The following NEB variants were observed in gnomAD, a reference collection of about 807,000 sequenced individuals.
NEB encodes nebulin, also known as nemaline myopathy type 2.
In NEB, 512 loss-of-function variants were observed where a neutral mutation model predicts 952.2. That is an observed-to-expected ratio of 0.54 (90% CI 0.50 to 0.58). The LOEUF is 0.58. Among genes scored for constraint, NEB ranks in the 20% least tolerant of loss-of-function variants. The probability of loss-of-function intolerance (pLI) is 0.00; values close to 1 mark genes in which losing one functional copy is unlikely to be tolerated. For missense variants in NEB, 8,428 were observed against 9,231.1 expected, an observed-to-expected ratio of 0.91 and a Z score of 3.56; for synonymous variants, 2,900 against 3,149.8, an observed-to-expected ratio of 0.92 and a Z score of 2.66.
intron 40 of NEB, among the ~76,000 whole-genome samples, chr2:151,666,731 A>G (rs2099222892): frequency 6.6e-6 from 1 of 151,836 alleles, no homozygotes; most frequent in Non-Finnish European, 1.5e-5. Flanking sequence ...TTTTTTGTTG[A>G]GACAGGGTCT....
At position 151,618,869 on chromosome 2, in the gene NEB, C is replaced by T. The variant is rs192459112; in HGVS notation, c.10873-391G>A. ...AAAAAATTCTCACTTTTATTTCCAT[C>T]TTCAAAAATCACAAAACTTCAAGTG... On this transcript the variant is annotated intron_variant, in intron 73 of 181. Transcript: ENST00000397345. Among the ~76,000 whole-genome samples the T allele has an allele frequency of 1.9e-3, 289 of 152,230 alleles. 1 individual carries two copies. The highest frequency in any genetic ancestry group is 6.8e-3 in the African/African-American group (282 of 41,548).
intron 143 of NEB, among the ~76,000 whole-genome samples, chr2:151,532,976 C>T (rs78062528): frequency 0.01 from 1,548 of 152,134 alleles, 33 homozygotes; most frequent in African/African-American, 0.035. Context: ...AGTCAAGAGG[C>T]GCCATGAATA....
intron 168 of NEB, 100 bp from the exon 169 acceptor site, chr2:151,499,490 C>T (rs2153025758): frequency 1.5e-6 from 1 of 668,508 alleles, no homozygotes; most frequent in Non-Finnish European, 2.7e-6. Context: ...AGACGTCAGA[C>T]AGAAAAGACA....
chr2:151,636,810 A>C (rs141221298), intron 63 of NEB, among the ~76,000 whole-genome samples: 9 of 152,156 alleles, frequency 5.9e-5, no homozygotes, highest in African/African-American at 1.2e-4. Context: ...AAAAAAAAAG[A>C]TACCCATAAA....
In NEB at chr2:151,492,220, G is replaced by C; in HGVS notation, c.24935C>G (p.Pro8312Arg). The C allele has an allele frequency of 6.2e-7, 1 of 1,613,886 alleles. No individual in the cohort carries two copies. The highest frequency in any genetic ancestry group is 8.5e-7 in the Non-Finnish European group (1 of 1,179,844). Residue 8312 changes from proline to arginine, a missense_variant, in exon 178 of 182, where the codon CCT becomes CGT. Physicochemically the swap from Pro to Arg is moderately radical, Grantham distance 103. Coordinates refer to ENST00000397345, the MANE Select transcript of NEB (RefSeq NM_001164508.2). ...GTTCTTCTTTACTCGTTCAGTGATAGGATCTGTCACCACTGGTGTGAAGCA... is the reference window on the plus strand; with the variant it reads ...GTTCTTCTTTACTCGTTCAGTGATACGATCTGTCACCACTGGTGTGAAGCA... ...KGCFTPVVTDPITERVKKNMQ... is the reference protein window; with the variant it reads ...KGCFTPVVTDRITERVKKNMQ...
rs922854664 is a variant in NEB at position 151,612,066 on chromosome 2, T to G, written c.11805+120A>C. ...TCAAGCAGATGCTCTGTTAAAGGCCTGCATGAGAATCAGGCCTATGACACC... is the reference window on the plus strand; with the variant it reads ...TCAAGCAGATGCTCTGTTAAAGGCCGGCATGAGAATCAGGCCTATGACACC... On this transcript the variant is annotated intron_variant, in intron 78 of 181. Transcript: ENST00000397345. 3.8e-6 allele frequency: 4 copies of G among 1,041,420 alleles called. No homozygotes were observed. The African/African-American group carries it at 6.3e-5, about 17-fold the overall frequency. 64.5% of individuals were successfully genotyped at this position (1,041,420 alleles called of 1,614,324 possible). A position where few individuals can be genotyped will look rare whatever the true frequency, so the allele number is the denominator to read the frequency against.
chr2:151,574,952 C>T (rs2096779633), intron 107 of NEB, among the ~76,000 whole-genome samples: 1 of 151,960 alleles, frequency 6.6e-6, no homozygotes, highest in Non-Finnish European at 1.5e-5. Flanking sequence ...GTTGCCCAGA[C>T]TAGTCTTGAA....
intron 148 of NEB, among the ~76,000 whole-genome samples, chr2:151,526,671 C>T (rs1398819320): frequency 6.6e-6 from 1 of 152,186 alleles, no homozygotes; most frequent in Admixed American, 6.5e-5. Context: ...GTCCTAATTC[C>T]TGCTGTGTGA....
chr2:151,485,974 ATT>A, intron 181 of NEB, 41 bp from the exon 182 acceptor site: 2 of 1,593,200 alleles, frequency 1.3e-6, no homozygotes, highest in Non-Finnish European at 1.7e-6. Flanking sequence ...TATATGTTGG[ATT>A]TGCAACAGTT....
rs71000481 is a variant in NEB at position 151,620,347 on chromosome 2, G to GTATATATA, written c.10560+564_10560+571dup. Among the ~76,000 whole-genome samples the GTATATATA allele has an allele frequency of 7.5e-3, 361 of 48,212 alleles. 8 individuals carry two copies. Among genetic ancestry groups the GTATATATA allele is most frequent in the Non-Finnish European group, 8.5e-3 (222 of 26,102 alleles). The allele number at this position is 48,212 out of a possible 152,430, so 31.6% of individuals were successfully genotyped here. On this transcript the variant is annotated intron_variant, in intron 72 of 181. Transcript: ENST00000397345. ...TTATTATATATATATGTATGTGTGT[G>GTATATATA]TATATATATATATATATATATATAT...
At chr2:151,569,400 A>G (rs1266785957) in intron 109 of NEB, 28 bp from the exon 110 acceptor site, 1 of 1,553,742 alleles carries the variant, frequency 6.4e-7, no homozygotes. Context: ...GAATGAGTTC[A>G]GCAACCCTGG....
Position 151,512,934 on chromosome 2 carries a change from A to G in NEB, c.23242-97T>C, listed in dbSNP as rs1161746226. The stretch of plus-strand genomic sequence containing the variant: ...AGAGGTGAGCCATATTTCTTTTCCA[A>G]GAGGGACTCATTCATTTGACATTCA... On this transcript the variant is annotated intron_variant, in intron 160 of 181. Coordinates refer to ENST00000397345, the MANE Select transcript of NEB (RefSeq NM_001164508.2). 7 of 774,184 alleles carry G rather than the reference A, an allele frequency of 9.0e-6. No individual in the cohort carries two copies. The Admixed American group carries it at 1.1e-4, about 13-fold the overall frequency. 48.0% of individuals were successfully genotyped at this position (774,184 alleles called of 1,614,324 possible).
At chr2:151,638,287 G>A (rs904327192) in intron 63 of NEB, among the ~76,000 whole-genome samples, 3 of 152,168 alleles carry the variant, frequency 2.0e-5, no homozygotes, top group African/African-American at 4.8e-5. Flanking sequence ...GTCCAGAAGA[G>A]GAAATACGAT....
chr2:151,694,709 T>A, intron 18 of NEB, 80 bp from the exon 19 acceptor site: 1 of 1,010,806 alleles, frequency 9.9e-7, no homozygotes, highest in Non-Finnish European at 1.5e-6. Flanking sequence ...GGTAACTAAA[T>A]ACCTTATCTT....
At position 151,697,139 on chromosome 2, in the gene NEB, C is replaced by A; in HGVS notation, c.1470+9G>T. Reference sequence around the variant, plus strand: ...GCAGTCACATTCAAAGTTCAGACTACAGACTTACGTCTTTACACTGATCTA... The same window carrying A: ...GCAGTCACATTCAAAGTTCAGACTAAAGACTTACGTCTTTACACTGATCTA... On this transcript the variant is annotated intron_variant, in intron 16 of 181. Coordinates refer to ENST00000397345, the MANE Select transcript of NEB (RefSeq NM_001164508.2). The A allele has an allele frequency of 6.3e-7, 1 of 1,598,252 alleles. No homozygotes were observed. Among genetic ancestry groups the A allele is most frequent in the Non-Finnish European group, 8.6e-7 (1 of 1,167,802 alleles).
At chr2:151,681,693 C>G (rs2148687050) in intron 29 of NEB, among the ~76,000 whole-genome samples, 1 of 152,252 alleles carries the variant, frequency 6.6e-6, no homozygotes. Flanking sequence ...GTCTGCCCTC[C>G]TTGAGGATGT....
At position 151,656,136 on chromosome 2, in the gene NEB, G is replaced by A. The variant is rs2099083637; in HGVS notation, c.6495+17C>T. 1.3e-6 allele frequency: 2 copies of A among 1,574,750 alleles called. No homozygotes were observed. Among genetic ancestry groups the A allele is most frequent in the South Asian group, 1.2e-5 (1 of 83,692 alleles). On this transcript the variant is annotated intron_variant, in intron 49 of 181. Coordinates refer to ENST00000397345, the MANE Select transcript of NEB (RefSeq NM_001164508.2). ...TGCTAGGATTCCAACCATCACCCAA[G>A]TAGAAGAAAGCCTTACATCACTCTG... is the stretch of plus-strand genomic sequence containing the variant.
At chr2:151,729,517 C>T in intron 4 of NEB, 98 bp downstream of exon 4, 1 of 1,349,312 alleles carries the variant, frequency 7.4e-7, no homozygotes, top group Non-Finnish European at 1.1e-6. Flanking sequence ...TCAGATAATC[C>T]CTTTTGCCAT....
chr2:151,498,831 TTGGG>T (rs987050571), intron 169 of NEB, among the ~76,000 whole-genome samples: 8 of 151,964 alleles, frequency 5.3e-5, no homozygotes, highest in African/African-American at 1.7e-4. Context: ...AATTTTTAGT[TTGGG>T]TGAACACATT....
Sources: allele counts gnomAD v4.1 joint callset (sites outside exome capture counted in the v4.1 genomes callset), GRCh38; gene constraint gnomAD v4.1.1; transcripts MANE v1.5; gene names NCBI Gene and HGNC (gene_info 2026-07-23, HGNC 2026-07-21).